CMTM4: variants seen among roughly 807,000 people sequenced by gnomAD.
CMTM4 encodes CKLF like MARVEL transmembrane domain containing 4, also known as CKLF-like MARVEL transmembrane domain-containing protein 4.
CMTM4 carries 8 observed loss-of-function variants against 19.0 expected under a neutral mutation model. The ratio of observed to expected loss-of-function variants is 0.42; its 90% CI spans 0.25 to 0.76. The LOEUF is 0.76. Among genes scored for constraint, CMTM4 ranks in the 30% least tolerant of loss-of-function variants. CMTM4 has a pLI of 0.27. For missense variants in CMTM4, 228 were observed against 290.2 expected, an observed-to-expected ratio of 0.79 and a Z score of 1.56; for synonymous variants, 106 against 121.1, an observed-to-expected ratio of 0.88 and a Z score of 0.82.
chr16:66,669,067 A>G (rs1596949454), intron 1 of CMTM4, among the ~76,000 whole-genome samples: 1 of 152,240 alleles, frequency 6.6e-6, no homozygotes, highest in South Asian at 2.1e-4. Context: ...ATAATCACCA[A>G]AAGTTGCAAA....
downstream of CMTM4, among the ~76,000 whole-genome samples, chr16:66,610,241 C>T (rs562160323): frequency 6.6e-6 from 1 of 152,300 alleles, no homozygotes; most frequent in South Asian, 2.1e-4. The surrounding 1 kb of genome is among the most constrained non-coding windows in gnomAD (Gnocchi z 4.6). Context: ...ATGGCTGAGC[C>T]TCAGGCCAGG....
In CMTM4 at chr16:66,617,432, G is replaced by T. The variant is rs2015547363; in HGVS notation, c.*4626C>A. On this transcript the variant is annotated 3_prime_UTR_variant, in exon 4 of 4. Transcript: ENST00000394106. ...GAAAAAGAATATATTCCAGACAAAA[G>T]AAGGGAAAATACAATAGGACCCACT... The T allele has an allele frequency of 6.4e-7, 1 of 1,552,182 alleles. No homozygotes were observed. The highest frequency in any genetic ancestry group is 8.7e-7 in the Non-Finnish European group (1 of 1,148,476).
At chr16:66,648,343 T>C (rs1267869127) in intron 1 of CMTM4, among the ~76,000 whole-genome samples, 7 of 152,180 alleles carry the variant, frequency 4.6e-5, no homozygotes, top group Non-Finnish European at 1.5e-5. Flanking sequence ...CCTTCATCTG[T>C]TTGGGAATGA....
chr16:66,609,313 G>T, the CMTM4 span: 1 of 802,684 alleles, frequency 1.2e-6, no homozygotes, highest in South Asian at 1.6e-5. This position sits in a 1 kb window ranked among gnomAD's most constrained non-coding sequence, Gnocchi z 4.4. Context: ...GGTGGGGCCA[G>T]GATGGGATAG....
At chr16:66,674,732 C>CTTTTTTT (rs771044359) in intron 1 of CMTM4, among the ~76,000 whole-genome samples, 3 of 92,486 alleles carry the variant, frequency 3.2e-5, no homozygotes, top group African/African-American at 8.8e-5. Context: ...GTTACATATT[C>CTTTTTTT]TTTTTTTTTT....
intron 2 of CMTM4, among the ~76,000 whole-genome samples, chr16:66,633,382 C>T (rs1255091865): frequency 7.9e-5 from 12 of 151,936 alleles, no homozygotes; most frequent in Non-Finnish European, 1.5e-5. Flanking sequence ...AAAAATACTC[C>T]CAATACTCCC....
intron 3 of CMTM4, 38 bp downstream of exon 3, chr16:66,623,366 C>T (rs1302862707): frequency 2.6e-6 from 4 of 1,517,238 alleles, no homozygotes; most frequent in Non-Finnish European, 3.6e-6. Context: ...ACAGGAGGTC[C>T]CCAGATCAGC....
intron 2 of CMTM4, among the ~76,000 whole-genome samples, chr16:66,634,516 G>T (rs991396449): frequency 2.0e-5 from 3 of 151,882 alleles, no homozygotes; most frequent in African/African-American, 7.3e-5. Context: ...AAATTAGTAA[G>T]AAATCTGAAG....
intron 2 of CMTM4, among the ~76,000 whole-genome samples, chr16:66,634,355 G>T (rs941859819): frequency 6.6e-6 from 1 of 151,240 alleles, no homozygotes; most frequent in Admixed American, 6.6e-5. Flanking sequence ...CAGGAGAATC[G>T]CTTGAACCCG....
At chr16:66,633,827 A>C (rs990765437) in intron 2 of CMTM4, among the ~76,000 whole-genome samples, 1 of 151,932 alleles carries the variant, frequency 6.6e-6, no homozygotes. Flanking sequence ...CAAAAAAAAA[A>C]AAAAAAGGTA....
intron 1 of CMTM4, among the ~76,000 whole-genome samples, chr16:66,654,592 C>A (rs969213258): frequency 6.6e-6 from 1 of 152,172 alleles, no homozygotes; most frequent in Non-Finnish European, 1.5e-5. Flanking sequence ...TGCAAAAATC[C>A]TCTTGCCGTT....
At chr16:66,672,535 AAGTT>A (rs999600891) in intron 1 of CMTM4, among the ~76,000 whole-genome samples, 8 of 151,558 alleles carry the variant, frequency 5.3e-5, no homozygotes, top group African/African-American at 1.5e-4. Flanking sequence ...TGTAATATAT[AAGTT>A]AGTAACATAT....
chr16:66,670,724 C>T (rs1345968408), intron 1 of CMTM4, among the ~76,000 whole-genome samples: 3 of 151,930 alleles, frequency 2.0e-5, no homozygotes, highest in African/African-American at 7.3e-5. Flanking sequence ...CGCCTGAACC[C>T]AGGAGGTGGA....
At chr16:66,688,705 T>C (rs2017081698) in intron 1 of CMTM4, among the ~76,000 whole-genome samples, 1 of 152,212 alleles carries the variant, frequency 6.6e-6, no homozygotes, top group Non-Finnish European at 1.5e-5. Context: ...TTTGGGATCG[T>C]ATTAAACCTA....
In CMTM4 at chr16:66,686,546, CAAAAAAAAAAA is replaced by C. The variant is rs35913878; in HGVS notation, c.186+9783_186+9793del. ...CCTGGGTGACAGTCAGACTCTGTCT[CAAAAAAAAAAA>C]AAAAAAAAAAGTTCCTCCAAAGTTG... On this transcript the variant is annotated intron_variant, in intron 1 of 3. Transcript: ENST00000394106. Among the ~76,000 whole-genome samples, 3 of 87,196 alleles carry C rather than the reference CAAAAAAAAAAA, an allele frequency of 3.4e-5. No individual in the cohort carries two copies. In the East Asian group the frequency reaches 9.7e-4, roughly 28 times the overall value. 57.2% of individuals were successfully genotyped at this position (87,196 alleles called of 152,430 possible).
intron 1 of CMTM4, among the ~76,000 whole-genome samples, chr16:66,645,407 G>C (rs1182135433): frequency 6.6e-6 from 1 of 151,842 alleles, no homozygotes; most frequent in African/African-American, 2.4e-5. Context: ...GTGAAACCCT[G>C]TCTCTACTAA....
chr16:66,608,889 G>A, the CMTM4 span, among the ~76,000 whole-genome samples: 2 of 152,090 alleles, frequency 1.3e-5, no homozygotes, highest in Non-Finnish European at 2.9e-5. The surrounding 1 kb of genome is among the most constrained non-coding windows in gnomAD (Gnocchi z 5.1). Context: ...CCAGACCCCA[G>A]TGGACCTCGC....
intron 1 of CMTM4, among the ~76,000 whole-genome samples, chr16:66,640,601 C>A (rs959853312): frequency 3.3e-5 from 5 of 152,158 alleles, no homozygotes; most frequent in Non-Finnish European, 7.4e-5. Flanking sequence ...GGGCCACCAG[C>A]TACTTTGCGG....
At chr16:66,682,453 T>G (rs1043624822) in intron 1 of CMTM4, among the ~76,000 whole-genome samples, 50 of 152,186 alleles carry the variant, frequency 3.3e-4, no homozygotes, top group African/African-American at 1.1e-3. Flanking sequence ...CTGGAATAAA[T>G]GGGAAACCAC....
Sources: gnomAD v4.1 joint callset for allele counts (sites outside exome capture counted in the v4.1 genomes callset) on GRCh38, gnomAD v4.1.1 for gene constraint, Gnocchi (gnomAD v3.1) non-coding constraint, MANE v1.5 for transcripts, NCBI Gene and HGNC (gene_info 2026-07-23, HGNC 2026-07-21) for gene names.